Variants in DHDDS observed in about 807,000 individuals in gnomAD.
DHDDS encodes the protein dehydrodolichyl diphosphate synthase complex subunit DHDDS.
In DHDDS, 16 loss-of-function variants were observed where a neutral mutation model predicts 46.2. The ratio of observed to expected loss-of-function variants is 0.35; its 90% CI spans 0.23 to 0.53. The LOEUF is 0.53. DHDDS is among the 20% of genes least tolerant of loss of function. The probability of loss-of-function intolerance (pLI) is 0.94; values close to 1 mark genes in which losing one functional copy is unlikely to be tolerated. For missense variants in DHDDS, 340 were observed against 423.7 expected (o/e 0.80, Z 1.73); for synonymous variants, 151 against 163.1 (o/e 0.93, Z 0.56).
chr1:26,455,099 C>T (rs1375731282), intron 6 of DHDDS: 12 of 810,966 alleles, frequency 1.5e-5, no homozygotes, highest in African/African-American at 8.4e-5. Flanking sequence ...GGCAGTTTCA[C>T]GAATATTCTT....
At chr1:26,442,416 G>T (rs1208796844) in intron 3 of DHDDS, among the ~76,000 whole-genome samples, 4 of 152,178 alleles carry the variant, frequency 2.6e-5, no homozygotes, top group Non-Finnish European at 5.9e-5. Context: ...TTTGATTCCA[G>T]TCACATAAGT....
intron 2 of DHDDS, 31 bp from the exon 3 acceptor site, chr1:26,438,137 C>A: frequency 6.2e-7 from 1 of 1,604,298 alleles, no homozygotes; most frequent in South Asian, 1.1e-5. Context: ...GAATATGAGA[C>A]CTGTTCATCA....
At chr1:26,454,610 A>G in intron 6 of DHDDS, 1 of 1,002,232 alleles carries the variant, frequency 1.0e-6, no homozygotes, top group Non-Finnish European at 1.5e-6. Context: ...TTCCCTTTTA[A>G]TTACATTTAT....
intron 8 of DHDDS, among the ~76,000 whole-genome samples, chr1:26,465,857 C>CCCTCAGAAATGCATT (rs2075479904): frequency 1.3e-5 from 2 of 152,184 alleles, no homozygotes; most frequent in Non-Finnish European, 2.9e-5. Flanking sequence ...CTGAGAGCAG[C>CCCTCAGAAATGCATT]CCTCAGAAAT....
rs777159938 is a variant in DHDDS at position 26,460,870 on chromosome 1, C to CTTTA, written c.765+742_765+745dup. Among the ~76,000 whole-genome samples, 6 of 152,160 alleles carry CTTTA rather than the reference C, an allele frequency of 3.9e-5. No homozygotes were observed. In the South Asian group the frequency reaches 6.2e-4, roughly 16 times the overall value. On this transcript the variant is annotated intron_variant, in intron 8 of 8. Coordinates refer to ENST00000236342, the MANE Select transcript of DHDDS (RefSeq NM_205861.3). ...CTGTCCCAAGGAACCTGAATTTTAT[C>CTTTA]TTTATTTATTTATTTATTTTGAGAT...
chr1:26,432,551 C>T, intron 1 of DHDDS, 175 bp downstream of exon 1: 1 of 290,832 alleles, frequency 3.4e-6, no homozygotes, highest in Non-Finnish European at 6.7e-6. Context: ...TTGGAAACAG[C>T]TTAGGGGAAG....
chr1:26,436,645 G>A (rs1227391665), intron 2 of DHDDS, among the ~76,000 whole-genome samples: 6 of 151,216 alleles, frequency 4.0e-5, no homozygotes, highest in Admixed American at 1.3e-4. Context: ...GGATGGGCTC[G>A]ATCTCCTGAC....
At position 26,461,380 on chromosome 1, in the gene DHDDS, AT is replaced by A. The variant is rs1293179441; in HGVS notation, c.765+1237del. On this transcript the variant is annotated intron_variant, in intron 8 of 8. Transcript: ENST00000236342. Reference sequence around the variant, plus strand: ...TAAACTTATCATGGAAACACATAGAATACTTTTTTTTTTTTTTTTTTTGAGA... The same window carrying A: ...TAAACTTATCATGGAAACACATAGAAACTTTTTTTTTTTTTTTTTTTGAGA... 2.6e-5 allele frequency among the ~76,000 whole-genome samples: 4 copies of A among 150,990 alleles called. No homozygotes were observed. In the South Asian group the frequency reaches 6.3e-4, roughly 24 times the overall value.
intron 5 of DHDDS, among the ~76,000 whole-genome samples, chr1:26,446,709 GGT>G (rs1438444637): frequency 6.8e-6 from 1 of 147,256 alleles, no homozygotes; most frequent in Non-Finnish European, 1.5e-5. Context: ...TGTGTGTGTG[GGT>G]GTGTTTTTAC....
intron 2 of DHDDS, among the ~76,000 whole-genome samples, chr1:26,434,820 ATTTTT>A (rs67223673): frequency 7.7e-6 from 1 of 129,150 alleles, no homozygotes; most frequent in African/African-American, 3.0e-5. Flanking sequence ...TGCCTGGCTA[ATTTTT>A]TTTTTTTTTT....
rs11381495 is a variant in DHDDS at position 26,458,737 on chromosome 1, CA to C, written c.657+851del. Among the ~76,000 whole-genome samples, 235 of 71,682 alleles carry C rather than the reference CA, an allele frequency of 3.3e-3. 1 individual carries two copies. The highest frequency in any genetic ancestry group is 0.023 in the South Asian group (50 of 2,212). The allele number at this position is 71,682 out of a possible 152,430, so 47.0% of individuals were successfully genotyped here. A position where few individuals can be genotyped will look rare whatever the true frequency, so the allele number is the denominator to read the frequency against. On this transcript the variant is annotated intron_variant, in intron 7 of 8. Coordinates refer to ENST00000236342, the MANE Select transcript of DHDDS (RefSeq NM_205861.3). ...TGGGCAACAGAGTGAGACTCTGTCG[CA>C]AAAAAAAAAAAAAAAAAAGAAAAGA... is the stretch of plus-strand genomic sequence containing the variant.
Position 26,446,739 on chromosome 1 carries a change from C to T in DHDDS, c.440+307C>T, listed in dbSNP as rs181373556. On this transcript the variant is annotated intron_variant, in intron 5 of 8. Transcript: ENST00000236342. ...GTTTTTACTTGACAGGGAATGGGATCGGAATACAGCAGTTCTTATCCCTGA... is the reference window on the plus strand; with the variant it reads ...GTTTTTACTTGACAGGGAATGGGATTGGAATACAGCAGTTCTTATCCCTGA... 6.6e-3 allele frequency among the ~76,000 whole-genome samples: 1,009 copies of T among 152,026 alleles called. 6 individuals are homozygous for T. Among genetic ancestry groups the T allele is most frequent in the Non-Finnish European group, 8.0e-3 (541 of 67,984 alleles).
intron 8 of DHDDS, 84 bp from the exon 9 acceptor site, chr1:26,468,811 G>GCCCCCCCCCCCCCCCC: frequency 1.3e-5 from 8 of 637,974 alleles, no homozygotes; most frequent in East Asian, 8.0e-5. Flanking sequence ...CCCACCCTGT[G>GCCCCCCCCCCCCCCCC]CCCCACCCCC....
At chr1:26,443,405 T>G (rs1288226263) in intron 4 of DHDDS, among the ~76,000 whole-genome samples, 2 of 152,184 alleles carry the variant, frequency 1.3e-5, no homozygotes, top group Non-Finnish European at 2.9e-5. Context: ...CATAGTCTTT[T>G]GGGAGGGATA....
intron 6 of DHDDS, among the ~76,000 whole-genome samples, chr1:26,453,120 A>ACACT (rs976928434): frequency 3.3e-5 from 5 of 151,844 alleles, no homozygotes; most frequent in East Asian, 3.9e-4. Context: ...ACACACACAC[A>ACACT]CACTCACTTT....
Position 26,469,114 on chromosome 1 carries a change from G to A in DHDDS, c.985G>A (p.Gly329Ser), listed in dbSNP as rs1405064880. Residue 329 changes from glycine to serine, a missense_variant, in exon 9 of 9, where the codon GGC (glycine) becomes AGC (serine). This residue lies in a region of DHDDS where 268 missense variants were observed against 300.3 expected (regional missense o/e 0.89). Transcript: ENST00000236342. ...GCGAGCTGACTGGCTGGCCCGTCTG[G>A]GCACTGCATCAGCCTGAATGAGGCT... ...LKRADWLARL[G>S]TASA 1 of 1,612,204 alleles carries A rather than the reference G, an allele frequency of 6.2e-7. No individual in the cohort carries two copies. The highest frequency in any genetic ancestry group is 8.5e-7 in the Non-Finnish European group (1 of 1,180,036).
chr1:26,464,783 A>C (rs2075464864), intron 8 of DHDDS, among the ~76,000 whole-genome samples: 1 of 152,154 alleles, frequency 6.6e-6, no homozygotes, highest in Admixed American at 6.5e-5. Flanking sequence ...CCCATTTTAA[A>C]ATCTGAGCTG....
intron 8 of DHDDS, 127 bp downstream of exon 8, chr1:26,460,271 C>T (rs888410539): frequency 7.6e-6 from 6 of 788,684 alleles, no homozygotes; most frequent in Non-Finnish European, 1.3e-5. Flanking sequence ...TAGTAGCTAC[C>T]ACCTACTGAG....
intron 6 of DHDDS, among the ~76,000 whole-genome samples, chr1:26,453,113 C>A (rs2075336721): frequency 6.6e-6 from 1 of 152,014 alleles, no homozygotes; most frequent in Admixed American, 6.6e-5. Flanking sequence ...CACACACACA[C>A]ACACACACAC....
Sources: gnomAD v4.1 joint callset for allele counts (sites outside exome capture counted in the v4.1 genomes callset) on GRCh38, gnomAD v4.1.1 for gene constraint, gnomAD v4.1.1 regional missense constraint, MANE v1.5 for transcripts, NCBI Gene and HGNC (gene_info 2026-07-23, HGNC 2026-07-21) for gene names.